ST6GALNAC5: variants seen among roughly 807,000 people sequenced by gnomAD.
ST6GALNAC5 encodes the protein alpha-N-acetylgalactosaminide alpha-2,6-sialyltransferase 5.
Under a neutral mutation model 33.6 loss-of-function variants are expected in ST6GALNAC5, and 27 were observed. The ratio of observed to expected loss-of-function variants is 0.80; its 90% confidence interval spans 0.59 to 1.11. ST6GALNAC5 has a LOEUF of 1.11. ST6GALNAC5 is among the 50% of genes least tolerant of loss of function. The probability of loss-of-function intolerance (pLI) is 0.00; values close to 1 mark genes in which losing one functional copy is unlikely to be tolerated. For missense variants in ST6GALNAC5, 428 were observed against 454.0 expected (o/e 0.94, Z 0.52); for synonymous variants, 194 against 171.2 (o/e 1.13, Z -1.04).
At position 77,005,166 on chromosome 1, in the gene ST6GALNAC5, A is replaced by G. The variant is rs544431439; in HGVS notation, c.262-39038A>G. Among the ~76,000 whole-genome samples the G allele has an allele frequency of 1.9e-3, 286 of 152,348 alleles. 1 individual carries two copies. Among genetic ancestry groups the G allele is most frequent in the Middle Eastern group, 3.4e-3 (1 of 294 alleles). ...GAGACTCCGTGGGGTAGTACCCTCC[A>G]AGCCAGGTGCGGGATATAATCTGGT... On this transcript the variant is annotated intron_variant, in intron 2 of 4. Coordinates refer to ENST00000477717, the MANE Select transcript of ST6GALNAC5 (RefSeq NM_030965.3).
chr1:77,021,545 C>G (rs1038184291), intron 2 of ST6GALNAC5, among the ~76,000 whole-genome samples: 14 of 152,258 alleles, frequency 9.2e-5, no homozygotes, highest in African/African-American at 2.9e-4. Flanking sequence ...TTAAGATAAG[C>G]AATAGGCAAT....
At chr1:76,887,060 T>C (rs1653913023) in intron 2 of ST6GALNAC5, among the ~76,000 whole-genome samples, 1 of 152,170 alleles carries the variant, frequency 6.6e-6, no homozygotes, top group South Asian at 2.1e-4. Flanking sequence ...TTTTTCTTCC[T>C]TCTCAGCCAC....
chr1:76,923,608 G>A (rs1387924045), intron 2 of ST6GALNAC5, among the ~76,000 whole-genome samples: 5 of 151,958 alleles, frequency 3.3e-5, no homozygotes, highest in African/African-American at 9.7e-5. Flanking sequence ...CAGGAGAATC[G>A]CTTGAACCCA....
chr1:77,059,083 A>G lies in ST6GALNAC5; in HGVS notation c.780-3892A>G, dbSNP rs186296297. On this transcript the variant is annotated intron_variant, in intron 4 of 4. Transcript: ENST00000477717. Reference sequence around the variant, plus strand: ...TAAAAATATGTTTATTTTTGTTTCAAATAATTTTAGAGTTACAGAAAGGTT... The same window carrying G: ...TAAAAATATGTTTATTTTTGTTTCAGATAATTTTAGAGTTACAGAAAGGTT... Among the ~76,000 whole-genome samples the G allele has an allele frequency of 7.2e-5, 11 of 152,334 alleles. No individual in the cohort carries two copies. The East Asian group carries it at 1.7e-3, about 24-fold the overall frequency.
chr1:76,895,840 G>C (rs1376167019), intron 2 of ST6GALNAC5, among the ~76,000 whole-genome samples: 3 of 152,204 alleles, frequency 2.0e-5, no homozygotes, highest in African/African-American at 7.2e-5. Flanking sequence ...GAATGAGACT[G>C]GGGCCTAATA....
intron 2 of ST6GALNAC5, among the ~76,000 whole-genome samples, chr1:77,038,136 G>A (rs530398562): frequency 6.6e-6 from 1 of 152,154 alleles, no homozygotes; most frequent in Non-Finnish European, 1.5e-5. Context: ...TTCTGCCCAC[G>A]GATTTCTTGC....
chr1:76,882,384 G>A (rs1241800976), intron 2 of ST6GALNAC5, among the ~76,000 whole-genome samples: 3 of 152,082 alleles, frequency 2.0e-5, no homozygotes, highest in Non-Finnish European at 2.9e-5. Context: ...AGGAGACTTA[G>A]TTAACCAAGT....
Position 77,064,604 on chromosome 1 carries a change from T to C in ST6GALNAC5, c.*1398T>C, listed in dbSNP as rs535410048. On this transcript the variant is annotated 3_prime_UTR_variant, in exon 5 of 5. Coordinates refer to ENST00000477717, the MANE Select transcript of ST6GALNAC5 (RefSeq NM_030965.3). ...TTATATTCATTACCATTCCCTGGTC[T>C]GAAGGAGTATAAAGGACTTATTTTA... The C allele has an allele frequency of 6.6e-6, 1 of 152,332 alleles. No individual in the cohort carries two copies. Among genetic ancestry groups the C allele is most frequent in the Non-Finnish European group, 1.5e-5 (1 of 68,014 alleles). The allele number at this position is 152,332 out of a possible 1,614,324, so 9.4% of individuals were successfully genotyped here.
intron 2 of ST6GALNAC5, among the ~76,000 whole-genome samples, chr1:76,910,043 T>C (rs1646896334): frequency 6.6e-6 from 1 of 152,076 alleles, no homozygotes; most frequent in South Asian, 2.1e-4. Context: ...AAACAAATTT[T>C]AAGGAAAAAT....
intron 2 of ST6GALNAC5, among the ~76,000 whole-genome samples, chr1:76,986,522 T>TGG (rs1334485116): frequency 8.6e-5 from 13 of 150,478 alleles, no homozygotes; most frequent in Admixed American, 2.6e-4. Context: ...CAATAGATGC[T>TGG]AGAGGATGTG....
chr1:76,913,101 T>A (rs2100284021), intron 2 of ST6GALNAC5, among the ~76,000 whole-genome samples: 1 of 152,220 alleles, frequency 6.6e-6, no homozygotes, highest in South Asian at 2.1e-4. Context: ...GGAGCTCTTT[T>A]AGGGCAGGCC....
Position 77,044,617 on chromosome 1 carries a change from C to G in ST6GALNAC5, c.671+4C>G. ...AGCAGGAGACTGGCAAAGACAGGTA[C>G]AAAGGCACAGGGAAGAAGATGCAGG... is the stretch of plus-strand genomic sequence containing the variant. On this transcript the variant is annotated splice_donor_region_variant and intron_variant, in intron 3 of 4. Coordinates refer to ENST00000477717, the MANE Select transcript of ST6GALNAC5 (RefSeq NM_030965.3). The G allele has an allele frequency of 2.6e-6, 4 of 1,538,568 alleles. No individual in the cohort carries two copies. The highest frequency in any genetic ancestry group is 3.5e-6 in the Non-Finnish European group (4 of 1,139,404).
chr1:77,062,924 A>C (rs572853904), intron 4 of ST6GALNAC5, 51 bp from the exon 5 acceptor site: 2 of 1,484,852 alleles, frequency 1.3e-6, no homozygotes, highest in Non-Finnish European at 1.9e-6. Flanking sequence ...AATCAGTCAA[A>C]GGAAAAAAAA....
chr1:76,890,084 C>A (rs1653981257), intron 2 of ST6GALNAC5, among the ~76,000 whole-genome samples: 1 of 152,044 alleles, frequency 6.6e-6, no homozygotes, highest in Admixed American at 6.6e-5. Flanking sequence ...TTCTTCATGT[C>A]CTATATTGAA....
chr1:76,983,822 C>T (rs557453931), intron 2 of ST6GALNAC5, among the ~76,000 whole-genome samples: 1 of 152,374 alleles, frequency 6.6e-6, no homozygotes, highest in Admixed American at 6.5e-5. Context: ...TCTCAGACCA[C>T]ACTGCAATCA....
chr1:76,997,432 A>C (rs1649981773), intron 2 of ST6GALNAC5, among the ~76,000 whole-genome samples: 1 of 152,198 alleles, frequency 6.6e-6, no homozygotes, highest in South Asian at 2.1e-4. Context: ...TTGAATCAAA[A>C]TGACCTGAAA....
intron 3 of ST6GALNAC5, among the ~76,000 whole-genome samples, chr1:77,047,792 G>A (rs1652065635): frequency 6.6e-6 from 1 of 152,142 alleles, no homozygotes; most frequent in South Asian, 2.1e-4. Context: ...GGAGCAGAAA[G>A]GCCCTTAATT....
intron 2 of ST6GALNAC5, among the ~76,000 whole-genome samples, chr1:76,904,842 T>C (rs1394318774): frequency 6.7e-6 from 1 of 148,794 alleles, no homozygotes; most frequent in Admixed American, 6.7e-5. Context: ...AAGAAAAGAG[T>C]CATTAACAGA....
chr1:76,912,206 T>C (rs1408037808), intron 2 of ST6GALNAC5, among the ~76,000 whole-genome samples: 1 of 152,202 alleles, frequency 6.6e-6, no homozygotes, highest in Non-Finnish European at 1.5e-5. Flanking sequence ...CAGGAGCAGG[T>C]TGTTCAGTTT....
Sources: gnomAD v4.1 joint callset for allele counts (sites outside exome capture counted in the v4.1 genomes callset) on GRCh38, gnomAD v4.1.1 for gene constraint, MANE v1.5 for transcripts, NCBI Gene and HGNC (gene_info 2026-07-23, HGNC 2026-07-21) for gene names.